Variants in FAT3 observed in about 807,000 individuals in gnomAD.
FAT3 encodes FAT atypical cadherin 3.
FAT3 carries 95 observed loss-of-function variants against 310.2 expected under a neutral mutation model. The ratio of observed to expected loss-of-function variants is 0.31; its 90% confidence interval spans 0.26 to 0.36. The LOEUF (loss-of-function observed/expected upper bound fraction) is 0.36, where lower values mean the gene tolerates loss of function less well. FAT3 is among the 10% of genes least tolerant of loss of function. FAT3 has a pLI of 1.00. For synonymous variants in FAT3, 2,314 were observed against 2,192.9 expected (o/e 1.06, Z -1.54); for missense variants, 5,408 against 5,715.6 (o/e 0.95, Z 1.74).
At chr11:92,509,485 G>C (rs1047889868) in intron 2 of FAT3, among the ~76,000 whole-genome samples, 9 of 152,098 alleles carry the variant, frequency 5.9e-5, no homozygotes, top group African/African-American at 1.2e-4. Context: ...TTAAGTAAAT[G>C]GTAAACATCA....
At chr11:92,426,789 T>C (rs1950644363) in intron 2 of FAT3, among the ~76,000 whole-genome samples, 1 of 152,202 alleles carries the variant, frequency 6.6e-6, no homozygotes, top group Non-Finnish European at 1.5e-5. Flanking sequence ...CCTTGTACTA[T>C]AGTTTGAAGT....
intron 27 of FAT3, 107 bp downstream of exon 27, chr11:92,889,998 T>C (rs574389043): frequency 2.8e-6 from 2 of 716,368 alleles, no homozygotes; most frequent in Non-Finnish European, 5.2e-6. Context: ...ATTTTGCATG[T>C]CTCAGGTGTC....
At position 92,599,626 on chromosome 11, in the gene FAT3, C is replaced by G. The variant is rs914502011; in HGVS notation, c.3607+74678C>G. Among the ~76,000 whole-genome samples, 6 of 152,304 alleles carry G rather than the reference C, an allele frequency of 3.9e-5. No individual in the cohort carries two copies. The East Asian group carries it at 9.7e-4, about 25-fold the overall frequency. On this transcript the variant is annotated intron_variant, in intron 3 of 27. Coordinates refer to ENST00000525166, the MANE Select transcript of FAT3 (RefSeq NM_001367949.2). ...TATCCCAGCCAAATATCCAATCAAA[C>G]TGTTGTTTGTAACATGAATTAATGA...
In FAT3 at chr11:92,891,302, C is replaced by A; in HGVS notation, c.*189C>A. ...ATTCCAGTTGGGTGAAAATGAAAGG[C>A]TCAGAAATTGTTTTTGAGAGGTGAC... is the stretch of plus-strand genomic sequence containing the variant. On this transcript the variant is annotated 3_prime_UTR_variant, in exon 28 of 28. Coordinates refer to ENST00000525166, the MANE Select transcript of FAT3 (RefSeq NM_001367949.2). 2.4e-6 allele frequency: 2 copies of A among 826,060 alleles called. No homozygotes were observed. The highest frequency in any genetic ancestry group is 3.7e-6 in the Non-Finnish European group (2 of 546,296). The allele number at this position is 826,060 out of a possible 1,614,324, so 51.2% of individuals were successfully genotyped here. A position where few individuals can be genotyped will look rare whatever the true frequency, so the allele number is the denominator to read the frequency against.
At chr11:92,578,806 A>G (rs1001056262) in intron 3 of FAT3, among the ~76,000 whole-genome samples, 2 of 152,096 alleles carry the variant, frequency 1.3e-5, no homozygotes, top group African/African-American at 4.8e-5. Context: ...CTTATGAGAG[A>G]AGCTTTATGG....
chr11:92,848,043 A>G (rs1052013741), intron 19 of FAT3, among the ~76,000 whole-genome samples: 5 of 152,108 alleles, frequency 3.3e-5, no homozygotes, highest in African/African-American at 9.7e-5. Flanking sequence ...GTTTCCCACC[A>G]CTTGGTGGAA....
At chr11:92,511,411 G>T (rs1376956355) in intron 2 of FAT3, among the ~76,000 whole-genome samples, 3 of 151,916 alleles carry the variant, frequency 2.0e-5, no homozygotes, top group Non-Finnish European at 2.9e-5. Flanking sequence ...TTATTCATAG[G>T]GGGAGCTTGT....
At position 92,697,432 on chromosome 11, in the gene FAT3, A is replaced by G. The variant is rs372525516; in HGVS notation, c.3656A>G (p.Glu1219Gly). ...AAATTGGATCGAGAACAGCAGGCAG[A>G]ACATTTTCTGGAGGTAAGCGCATAG... ...SRKLDREQQA[E>G]HFLEVTVTDG... Residue 1219 changes from glutamate (E) to glycine (G), a missense_variant, in exon 4 of 28, where the codon GAA becomes GGA. Physicochemically the swap from Glu to Gly is moderately conservative, Grantham distance 98 (BLOSUM62 -2). Coordinates refer to ENST00000525166, the MANE Select transcript of FAT3 (RefSeq NM_001367949.2). The G allele has an allele frequency of 6.2e-7, 1 of 1,613,900 alleles. No homozygotes were observed. Among genetic ancestry groups the G allele is most frequent in the East Asian group, 2.2e-5 (1 of 44,854 alleles).
intron 7 of FAT3, among the ~76,000 whole-genome samples, chr11:92,776,666 T>C (rs752096751): frequency 2.6e-5 from 4 of 152,170 alleles, no homozygotes; most frequent in Non-Finnish European, 5.9e-5. Flanking sequence ...TTAGAATTAG[T>C]TAGAGAATTA....
chr11:92,368,566 C>T (rs939637714), intron 2 of FAT3, among the ~76,000 whole-genome samples: 41 of 152,126 alleles, frequency 2.7e-4, no homozygotes, highest in African/African-American at 9.9e-4. Context: ...GCAAGAACCA[C>T]ATCTTCTAGT....
intron 3 of FAT3, among the ~76,000 whole-genome samples, chr11:92,584,919 G>A (rs1366427631): frequency 1.3e-5 from 2 of 151,940 alleles, no homozygotes; most frequent in Non-Finnish European, 2.9e-5. Context: ...GCTGTGTTTT[G>A]AATAGCCTGT....
rs372178818 is a variant in FAT3 at position 92,760,793 on chromosome 11, TAAG to T, written c.3670-1060_3670-1058del. Reference sequence around the variant, plus strand: ...TCATACTGATTATCACTATGACTAATAAGAAAATTATTTACACTAGGATGCAAA... The same window carrying T: ...TCATACTGATTATCACTATGACTAATAAAATTATTTACACTAGGATGCAAA... On this transcript the variant is annotated intron_variant, in intron 4 of 27. Coordinates refer to ENST00000525166, the MANE Select transcript of FAT3 (RefSeq NM_001367949.2). Among the ~76,000 whole-genome samples, 4 of 152,192 alleles carry T rather than the reference TAAG, an allele frequency of 2.6e-5. No individual in the cohort carries two copies. In the East Asian group the frequency reaches 5.8e-4, roughly 22 times the overall value.
intron 13 of FAT3, among the ~76,000 whole-genome samples, chr11:92,814,578 A>G (rs539977565): frequency 6.6e-6 from 1 of 152,290 alleles, no homozygotes; most frequent in African/African-American, 2.4e-5. Flanking sequence ...TGACTTCATG[A>G]CCCAACATTT....
chr11:92,891,197 T>C lies in FAT3; in HGVS notation c.*84T>C, dbSNP rs2136451890. On this transcript the variant is annotated 3_prime_UTR_variant, in exon 28 of 28. Coordinates refer to ENST00000525166, the MANE Select transcript of FAT3 (RefSeq NM_001367949.2). Reference sequence around the variant, plus strand: ...GGGCTTCTGTCCCAGTGGAGCATTGTCTGTGGAATGAGAAGGGAATACTGT... The same window carrying C: ...GGGCTTCTGTCCCAGTGGAGCATTGCCTGTGGAATGAGAAGGGAATACTGT... 6.6e-7 allele frequency: 1 copy of C among 1,517,652 alleles called. No homozygotes were observed. The highest frequency in any genetic ancestry group is 1.7e-4 in the Middle Eastern group (1 of 5,836). The allele number at this position is 1,517,652 out of a possible 1,614,324, so 94.0% of individuals were successfully genotyped here.
At chr11:92,412,720 T>TATATATATATATATATATACAC (rs1950306808) in intron 2 of FAT3, among the ~76,000 whole-genome samples, 7 of 18,686 alleles carry the variant, frequency 3.7e-4, no homozygotes, top group African/African-American at 7.7e-4. Flanking sequence ...TATATATATA[T>TATATATATATATATATATACAC]ATATATATAT....
chr11:92,822,372 C>A (rs1195542956), intron 13 of FAT3, among the ~76,000 whole-genome samples: 2 of 151,796 alleles, frequency 1.3e-5, no homozygotes, highest in South Asian at 4.2e-4. Context: ...ATCGAACACT[C>A]GGCAATGCAG....
intron 3 of FAT3, among the ~76,000 whole-genome samples, chr11:92,634,204 A>G (rs183524590): frequency 2.2e-4 from 34 of 152,152 alleles, no homozygotes; most frequent in Admixed American, 5.2e-4. Flanking sequence ...AACATGATAG[A>G]CTCTGTGTTG....
At chr11:92,679,434 C>T (rs1442714637) in intron 3 of FAT3, among the ~76,000 whole-genome samples, 3 of 152,026 alleles carry the variant, frequency 2.0e-5, no homozygotes, top group African/African-American at 7.2e-5. Context: ...TTTATGAGTT[C>T]CCTTTTCTCC....
At chr11:92,592,947 A>G (rs2135563875) in intron 3 of FAT3, among the ~76,000 whole-genome samples, 1 of 152,074 alleles carries the variant, frequency 6.6e-6, no homozygotes, top group Non-Finnish European at 1.5e-5. Flanking sequence ...GAAACCCTAT[A>G]CTCGTTAAAC....
Sources: allele counts gnomAD v4.1 joint callset (sites outside exome capture counted in the v4.1 genomes callset), GRCh38; gene constraint gnomAD v4.1.1; transcripts MANE v1.5; gene names NCBI Gene and HGNC (gene_info 2026-07-23, HGNC 2026-07-21).